The following RBM20 variants were observed in gnomAD, a reference collection of about 807,000 sequenced individuals.
RBM20 encodes RNA-binding protein 20.
RBM20 carries 51 observed loss-of-function variants against 110.1 expected under a neutral mutation model. The observed-to-expected ratio is 0.46, with a 90% CI of 0.37 to 0.59. RBM20 has a LOEUF of 0.59. RBM20 is among the 20% of genes least tolerant of loss of function. RBM20 has a pLI of 0.00. For synonymous variants in RBM20, 589 were observed against 618.2 expected (o/e 0.95, Z 0.70); for missense variants, 1,512 against 1,574.9 (o/e 0.96, Z 0.68).
chr10:110,810,498 T>A (rs1220717762), intron 8 of RBM20, 36 bp downstream of exon 8: 7 of 1,462,354 alleles, frequency 4.8e-6, no homozygotes, highest in Middle Eastern at 1.7e-4. Context: ...AGGCAGGTTC[T>A]GGGCAGTGGG....
Position 110,773,555 on chromosome 10 carries a change from A to G in RBM20, c.192-7246A>G, listed in dbSNP as rs886074007. On this transcript the variant is annotated intron_variant, in intron 1 of 13. Coordinates refer to ENST00000369519, the MANE Select transcript of RBM20 (RefSeq NM_001134363.3). ...TTCTCACCTATAATACCATACCCTC[A>G]TTTTATAAAAATAAAGAATATTTTC... is the stretch of plus-strand genomic sequence containing the variant. Among the ~76,000 whole-genome samples the G allele has an allele frequency of 3.8e-4, 58 of 152,344 alleles. 1 individual carries two copies. The highest frequency in any genetic ancestry group is 3.7e-3 in the Admixed American group (57 of 15,300).
chr10:110,775,641 A>G (rs930632397), intron 1 of RBM20, among the ~76,000 whole-genome samples: 6 of 151,954 alleles, frequency 3.9e-5, no homozygotes, highest in Middle Eastern at 3.2e-3. Context: ...TTTTCTCCCT[A>G]TGATGATGAT....
At chr10:110,653,372 T>C (rs985692743) in intron 1 of RBM20, among the ~76,000 whole-genome samples, 5 of 152,182 alleles carry the variant, frequency 3.3e-5, no homozygotes, top group African/African-American at 1.2e-4. Context: ...TGCCCTTGAG[T>C]GTGCTCTCTC....
At chr10:110,803,772 C>T (rs748661633) in intron 7 of RBM20, among the ~76,000 whole-genome samples, 9 of 119,114 alleles carry the variant, frequency 7.6e-5, no homozygotes, top group East Asian at 5.3e-4. Context: ...TCTGTCTGCA[C>T]GTAACAGAAA....
At chr10:110,698,882 C>T (rs1862711252) in intron 1 of RBM20, among the ~76,000 whole-genome samples, 1 of 152,194 alleles carries the variant, frequency 6.6e-6, no homozygotes, top group Admixed American at 6.5e-5. Flanking sequence ...CAGACCACTG[C>T]CACAGAGGTG....
chr10:110,738,505 G>T (rs753098323), intron 1 of RBM20, among the ~76,000 whole-genome samples: 3 of 152,108 alleles, frequency 2.0e-5, no homozygotes, highest in African/African-American at 4.8e-5. Flanking sequence ...TGTTTCTCAC[G>T]GCCCGAACCC....
At chr10:110,776,237 G>C (rs1026773326) in intron 1 of RBM20, among the ~76,000 whole-genome samples, 1 of 152,128 alleles carries the variant, frequency 6.6e-6, no homozygotes, top group African/African-American at 2.4e-5. Flanking sequence ...TACCAGCAAG[G>C]TCCAGTCAGC....
chr10:110,781,050 C>T lies in RBM20; in HGVS notation c.441C>T (p.His147=), dbSNP rs397516619. The stretch of plus-strand genomic sequence containing the variant: ...ATCCGTCTGTGATCACTGGCCCCCA[C>T]GGCCATGCTGGGGTTCCCCAACATG... The part of the protein sequence containing the change: ...LRHPSVITGP[H]GHAGVPQHAA... Residue 147 remains histidine (H), a synonymous_variant, in exon 2 of 14, where the codon CAC becomes CAT. Transcript: ENST00000369519. 58 of 1,551,942 alleles carry T rather than the reference C, an allele frequency of 3.7e-5. No homozygotes were observed. The East Asian group carries it at 6.1e-4, about 16-fold the overall frequency.
intron 1 of RBM20, among the ~76,000 whole-genome samples, chr10:110,675,091 A>G (rs987722534): frequency 6.6e-6 from 1 of 151,582 alleles, no homozygotes; most frequent in African/African-American, 2.4e-5. Flanking sequence ...TTTGTCTGGA[A>G]GAAGAACAAT....
rs138351758 is a variant in RBM20 at position 110,721,065 on chromosome 10, C to T, written c.192-59736C>T. On this transcript the variant is annotated intron_variant, in intron 1 of 13. Transcript: ENST00000369519. ...CTGGCTTCCTTATTTCCTGCAGGCA[C>T]CTGCTCAGTTGCCGCCACATGGAGA... 2.9e-3 allele frequency among the ~76,000 whole-genome samples: 438 copies of T among 152,344 alleles called. 6 individuals carry two copies. Among genetic ancestry groups the T allele is most frequent in the African/African-American group, 9.7e-3 (405 of 41,578 alleles).
chr10:110,702,008 T>C (rs1232700361), intron 1 of RBM20, among the ~76,000 whole-genome samples: 1 of 152,160 alleles, frequency 6.6e-6, no homozygotes, highest in Non-Finnish European at 1.5e-5. Flanking sequence ...GATTGCGTGG[T>C]CTTGTTTCAG....
At chr10:110,718,063 G>C (rs1843458017) in intron 1 of RBM20, among the ~76,000 whole-genome samples, 1 of 152,208 alleles carries the variant, frequency 6.6e-6, no homozygotes, top group Non-Finnish European at 1.5e-5. Flanking sequence ...AGCAGCCTGA[G>C]AGCTAGGGCG....
chr10:110,705,626 A>C (rs1476282524), intron 1 of RBM20, among the ~76,000 whole-genome samples: 3 of 152,254 alleles, frequency 2.0e-5, no homozygotes, highest in African/African-American at 7.2e-5. Context: ...AATAAATTTC[A>C]TGTAAATACC....
At chr10:110,797,701 G>T in intron 6 of RBM20, 53 bp downstream of exon 6, 1 of 1,490,322 alleles carries the variant, frequency 6.7e-7, no homozygotes, top group Non-Finnish European at 9.1e-7. Flanking sequence ...ACACATTAGT[G>T]AAAGGGAACG....
chr10:110,697,827 G>A (rs548411737), intron 1 of RBM20, among the ~76,000 whole-genome samples: 2 of 151,506 alleles, frequency 1.3e-5, no homozygotes, highest in Non-Finnish European at 1.5e-5. Flanking sequence ...TTTTATCAGC[G>A]TATTCCCCAC....
At chr10:110,741,876 C>T (rs769036284) in intron 1 of RBM20, among the ~76,000 whole-genome samples, 9 of 152,270 alleles carry the variant, frequency 5.9e-5, no homozygotes, top group Non-Finnish European at 1.3e-4. Flanking sequence ...CTCTAGAATG[C>T]CCACTTCCCA....
intron 1 of RBM20, among the ~76,000 whole-genome samples, chr10:110,706,612 T>C (rs543245503): frequency 6.6e-6 from 1 of 152,300 alleles, no homozygotes; most frequent in African/African-American, 2.4e-5. Context: ...GGAGAGCTAT[T>C]CTGGTCTCTC....
At chr10:110,818,040 G>A (rs902496704) in intron 9 of RBM20, among the ~76,000 whole-genome samples, 1 of 152,074 alleles carries the variant, frequency 6.6e-6, no homozygotes, top group Non-Finnish European at 1.5e-5. Flanking sequence ...AGCACTTTGG[G>A]AGGCTGAGGC....
chr10:110,686,857 G>A (rs532254293), intron 1 of RBM20, among the ~76,000 whole-genome samples: 1 of 151,778 alleles, frequency 6.6e-6, no homozygotes, highest in South Asian at 2.1e-4. Context: ...TGACCAACAC[G>A]GTGAAACCCC....
Sources: allele counts gnomAD v4.1 joint callset (sites outside exome capture counted in the v4.1 genomes callset), GRCh38; gene constraint gnomAD v4.1.1; transcripts MANE v1.5; gene names NCBI Gene and HGNC (gene_info 2026-07-23, HGNC 2026-07-21).